ARL13B: variants seen among roughly 807,000 people sequenced by gnomAD.
ARL13B encodes the protein ADP-ribosylation factor-like protein 13B.
ARL13B carries 36 observed loss-of-function variants against 56.1 expected under a neutral mutation model. That is an observed-to-expected ratio of 0.64 (90% CI 0.49 to 0.85). The LOEUF (loss-of-function observed/expected upper bound fraction) is 0.85, where lower values mean the gene tolerates loss of function less well. ARL13B is among the 40% of genes least tolerant of loss of function. The probability of loss-of-function intolerance (pLI) is 0.00; values close to 1 mark genes in which losing one functional copy is unlikely to be tolerated. For synonymous variants in ARL13B, 178 were observed against 171.1 expected, an observed-to-expected ratio of 1.04 and a Z score of -0.32; for missense variants, 519 against 507.1, an observed-to-expected ratio of 1.02 and a Z score of -0.23.
intron 7 of ARL13B, chr3:94,048,015 C>CA (rs2077009478): frequency 6.6e-6 from 1 of 152,090 alleles, no homozygotes; most frequent in African/African-American, 2.4e-5. Context: ...CACACACACA[C>CA]ACACACACAC....
intron 1 of ARL13B, among the ~76,000 whole-genome samples, chr3:93,983,554 G>A (rs1328445772): frequency 2.0e-5 from 3 of 152,174 alleles, no homozygotes; most frequent in East Asian, 3.9e-4. Context: ...CCAACAGTAC[G>A]TTGGAGTGCC....
intron 3 of ARL13B, among the ~76,000 whole-genome samples, chr3:94,011,844 T>G (rs1381160848): frequency 6.6e-6 from 1 of 152,148 alleles, no homozygotes; most frequent in Admixed American, 6.6e-5. Flanking sequence ...AAGAATTGCC[T>G]GTAGTGGCTG....
intron 8 of ARL13B, among the ~76,000 whole-genome samples, chr3:94,050,124 A>G (rs542772230): frequency 2.9e-4 from 43 of 147,670 alleles, no homozygotes; most frequent in African/African-American, 1.0e-3. Context: ...AGATCACTCC[A>G]TTGCACTCCA....
chr3:94,027,488 G>T (rs2076582060), intron 3 of ARL13B, among the ~76,000 whole-genome samples: 1 of 151,942 alleles, frequency 6.6e-6, no homozygotes, highest in Admixed American at 6.6e-5. Flanking sequence ...TCTGATTCAA[G>T]TAAGCTGTAC....
chr3:93,996,646 G>A lies in ARL13B; in HGVS notation c.130+702G>A, dbSNP rs755718454. ...TTCTGCCTTGGCCTCCAAGAGTGCT[G>A]GGATTACAGGCATGAGCCACCACGC... On this transcript the variant is annotated intron_variant, in intron 2 of 9. Transcript: ENST00000394222. 12 of 435,398 alleles carry A rather than the reference G, an allele frequency of 2.8e-5. 1 individual carries two copies. The highest frequency in any genetic ancestry group is 2.0e-4 in the South Asian group (12 of 61,256). 27.0% of individuals were successfully genotyped at this position (435,398 alleles called of 1,614,324 possible).
chr3:93,980,343 T>A lies in ARL13B; in HGVS notation c.-81T>A. The A allele has an allele frequency of 6.4e-7, 1 of 1,570,442 alleles. No individual in the cohort carries two copies. The highest frequency in any genetic ancestry group is 8.7e-7 in the Non-Finnish European group (1 of 1,150,766). The stretch of plus-strand genomic sequence containing the variant: ...TATCCACTTTAGGGGCGTCTCGGAG[T>A]GCCGGAGGCCCCCGGGGAAGAGCGG... On this transcript the variant is annotated 5_prime_UTR_variant, in exon 1 of 10. Transcript: ENST00000394222.
intron 3 of ARL13B, among the ~76,000 whole-genome samples, chr3:94,025,402 T>G (rs566636906): frequency 6.6e-6 from 1 of 152,338 alleles, no homozygotes; most frequent in East Asian, 1.9e-4. Context: ...AAGGTTATAC[T>G]GTGTTTGTCT....
chr3:94,001,574 C>T (rs773724135), intron 2 of ARL13B, among the ~76,000 whole-genome samples: 18 of 152,076 alleles, frequency 1.2e-4, no homozygotes, highest in Non-Finnish European at 1.8e-4. Context: ...TACACACTAT[C>T]GTCTCTAGCT....
intron 3 of ARL13B, among the ~76,000 whole-genome samples, chr3:94,034,230 CAAA>C (rs759411579): frequency 1.4e-5 from 2 of 146,118 alleles, no homozygotes; most frequent in African/African-American, 5.0e-5. Context: ...TTGGGAAATA[CAAA>C]AAAAAAGAAG....
At chr3:94,000,916 C>T (rs1398555622) in intron 2 of ARL13B, among the ~76,000 whole-genome samples, 5 of 151,466 alleles carry the variant, frequency 3.3e-5, no homozygotes, top group Non-Finnish European at 5.9e-5. Flanking sequence ...AATACATGTA[C>T]GAGGATAGAT....
chr3:94,049,924 G>A (rs921025111), intron 8 of ARL13B, among the ~76,000 whole-genome samples: 3 of 151,174 alleles, frequency 2.0e-5, no homozygotes, highest in Non-Finnish European at 2.9e-5. Context: ...AGGCCGAGGC[G>A]GGCAGATAAC....
At chr3:93,994,401 C>T (rs1265673521) in intron 1 of ARL13B, among the ~76,000 whole-genome samples, 1 of 151,206 alleles carries the variant, frequency 6.6e-6, no homozygotes, top group Non-Finnish European at 1.5e-5. Context: ...CTCCCACCCC[C>T]AACCTTGATC....
intron 3 of ARL13B, among the ~76,000 whole-genome samples, chr3:94,012,053 G>A (rs1445455746): frequency 6.6e-6 from 1 of 151,844 alleles, no homozygotes; most frequent in African/African-American, 2.4e-5. Flanking sequence ...TTTTGCATTG[G>A]CTTTCCTTGT....
intron 3 of ARL13B, among the ~76,000 whole-genome samples, chr3:94,005,603 A>G (rs1195972359): frequency 6.6e-6 from 1 of 152,256 alleles, no homozygotes; most frequent in Non-Finnish European, 1.5e-5. Context: ...TTGCTTCACC[A>G]TTATAAACTC....
intron 2 of ARL13B, 96 bp downstream of exon 2, chr3:93,996,040 A>T: frequency 8.0e-7 from 1 of 1,257,530 alleles, no homozygotes; most frequent in South Asian, 1.3e-5. Flanking sequence ...AATTTGGTAC[A>T]GATACTGTGC....
chr3:94,025,961 C>G (rs2107041463), intron 3 of ARL13B, among the ~76,000 whole-genome samples: 1 of 152,060 alleles, frequency 6.6e-6, no homozygotes, highest in South Asian at 2.1e-4. Flanking sequence ...GCTTTAATTA[C>G]TACTCTTCAC....
chr3:94,013,623 T>A (rs1486066347), intron 3 of ARL13B, among the ~76,000 whole-genome samples: 1 of 152,144 alleles, frequency 6.6e-6, no homozygotes, highest in Non-Finnish European at 1.5e-5. Flanking sequence ...TCTGTTGACA[T>A]TGAGTTAAGT....
At chr3:93,997,366 T>C (rs1200339389) in intron 2 of ARL13B, among the ~76,000 whole-genome samples, 2 of 152,156 alleles carry the variant, frequency 1.3e-5, no homozygotes, top group African/African-American at 4.8e-5. Flanking sequence ...CAGTAAGATA[T>C]CATGCTTACT....
intron 1 of ARL13B, among the ~76,000 whole-genome samples, chr3:93,980,808 A>G (rs1415467683): frequency 2.7e-5 from 4 of 150,856 alleles, no homozygotes; most frequent in African/African-American, 9.8e-5. Context: ...AGCTTTTGTA[A>G]TGGAAATTCT....
Sources: gnomAD v4.1 joint callset for allele counts (sites outside exome capture counted in the v4.1 genomes callset) on GRCh38, gnomAD v4.1.1 for gene constraint, MANE v1.5 for transcripts, NCBI Gene and HGNC (gene_info 2026-07-23, HGNC 2026-07-21) for gene names.